Variants in TOGARAM1 observed in about 807,000 individuals in gnomAD.
TOGARAM1 encodes TOG array regulator of axonemal microtubules 1, also known as TOG array regulator of axonemal microtubules protein 1.
TOGARAM1 carries 100 observed loss-of-function variants against 166.6 expected under a neutral mutation model. The ratio of observed to expected loss-of-function variants is 0.60; its 90% CI spans 0.51 to 0.71. TOGARAM1 has a LOEUF of 0.71. Ranked by LOEUF, TOGARAM1 falls within the 30% of genes least tolerant of loss-of-function variation. TOGARAM1 has a pLI of 0.00. For synonymous variants in TOGARAM1, 758 were observed against 763.8 expected, an observed-to-expected ratio of 0.99 and a Z score of 0.13; for missense variants, 2,029 against 2,102.7, an observed-to-expected ratio of 0.96 and a Z score of 0.69.
At position 45,004,108 on chromosome 14, in the gene TOGARAM1, A is replaced by G; in HGVS notation, c.2386A>G (p.Ser796Gly). 1 of 1,614,080 alleles carries G rather than the reference A, an allele frequency of 6.2e-7. No individual in the cohort carries two copies. Among genetic ancestry groups the G allele is most frequent in the Non-Finnish European group, 8.5e-7 (1 of 1,180,002 alleles). ...CAGTAAGACACAGCAAACATTTGGT[A>G]GTCAAACAGAGTGTACTTCCTCAAA... ...FGSKTQQTFG[S>G]QTECTSSNGQ... The change falls in exon 4 of 20, where the codon AGT (serine) becomes GGT (glycine). Residue 796 changes from serine to glycine, a missense_variant. Ser to Gly is a moderately conservative substitution (Grantham distance 56, BLOSUM62 0). Coordinates refer to ENST00000361462, the MANE Select transcript of TOGARAM1 (RefSeq NM_001308120.2).
At position 45,025,831 on chromosome 14, in the gene TOGARAM1, C is replaced by G. The variant is rs774021805; in HGVS notation, c.3287C>G (p.Thr1096Arg). Residue 1096 changes from threonine (T) to arginine (R), a missense_variant, in exon 8 of 20, where the codon ACA becomes AGA. This residue lies in a region of TOGARAM1 where 1,453 missense variants were observed against 1,432.2 expected (regional missense o/e 1.01). Transcript: ENST00000361462. ...ATTTCCAGTTTTGACTTCACAACCA[C>G]AAAGGCTTTATCAGAAGACTCAGTA... ...QQISSFDFTT[T>R]KALSEDSVVV... 1 of 1,610,002 alleles carries G rather than the reference C, an allele frequency of 6.2e-7. No individual in the cohort carries two copies. Among genetic ancestry groups the G allele is most frequent in the South Asian group, 1.1e-5 (1 of 90,658 alleles).
chr14:44,984,476 T>C (rs1325521733), intron 1 of TOGARAM1, among the ~76,000 whole-genome samples: 1 of 151,928 alleles, frequency 6.6e-6, no homozygotes, highest in Non-Finnish European at 1.5e-5. Flanking sequence ...ATATTATATT[T>C]ATTGTTATCA....
chr14:45,011,753 C>A, intron 6 of TOGARAM1: 1 of 393,518 alleles, frequency 2.5e-6, no homozygotes, highest in East Asian at 3.8e-5. Context: ...GGTTGGTAGT[C>A]CAAAAGGTGA....
intron 17 of TOGARAM1, among the ~76,000 whole-genome samples, chr14:45,067,312 G>A (rs78637370): frequency 0.04 from 6,022 of 151,998 alleles, 208 homozygotes; most frequent in East Asian, 0.12. Flanking sequence ...AATATATGTT[G>A]AATTAATCAA....
chr14:45,034,437 A>G (rs576545685), intron 11 of TOGARAM1, among the ~76,000 whole-genome samples: 2 of 152,340 alleles, frequency 1.3e-5, no homozygotes, highest in South Asian at 2.1e-4. Flanking sequence ...TCCAGAGATC[A>G]TAAGAGGATT....
At chr14:45,016,544 C>G (rs1362626744) in intron 7 of TOGARAM1, among the ~76,000 whole-genome samples, 2 of 152,244 alleles carry the variant, frequency 1.3e-5, no homozygotes, top group East Asian at 3.9e-4. Flanking sequence ...CACACCCGGC[C>G]CACACCCAGT....
chr14:45,044,564 C>A, intron 12 of TOGARAM1, 71 bp from the exon 13 acceptor site: 1 of 1,108,552 alleles, frequency 9.0e-7, no homozygotes, highest in Non-Finnish European at 1.3e-6. Flanking sequence ...TTGTAAAATT[C>A]CTTTCCAAGT....
Position 45,032,393 on chromosome 14 carries a change from T to C in TOGARAM1, c.3812+17T>C. On this transcript the variant is annotated intron_variant, in intron 11 of 19. Transcript: ENST00000361462. ...TGAGGATTGGTAAGTTCACCATCCT[T>C]AACTTAAAACTAAGCAGAGTTCAAA... 1 of 1,605,182 alleles carries C rather than the reference T, an allele frequency of 6.2e-7. No individual in the cohort carries two copies. The highest frequency in any genetic ancestry group is 2.2e-5 in the East Asian group (1 of 44,780).
chr14:45,042,923 G>A (rs1227405867), intron 11 of TOGARAM1, among the ~76,000 whole-genome samples: 1 of 152,152 alleles, frequency 6.6e-6, no homozygotes, highest in African/African-American at 2.4e-5. Flanking sequence ...TCACTCAGGA[G>A]CTCTGATGGA....
At chr14:45,014,166 C>G (rs2138867544) in intron 7 of TOGARAM1, among the ~76,000 whole-genome samples, 1 of 152,022 alleles carries the variant, frequency 6.6e-6, no homozygotes, top group South Asian at 2.1e-4. Context: ...CTTCCTCAGC[C>G]TCCCAGGTAG....
rs187800620 is a variant in TOGARAM1, at chr14:44,988,776, A to G, written c.2047-6970A>G. ...AAAAAGGCACTGCAGCTTCCATGTC[A>G]GTTGCTCTCGCTCACTTGACTTGCT... is the stretch of plus-strand genomic sequence containing the variant. On this transcript the variant is annotated intron_variant, in intron 1 of 19. Coordinates refer to ENST00000361462, the MANE Select transcript of TOGARAM1 (RefSeq NM_001308120.2). 4.9e-3 allele frequency among the ~76,000 whole-genome samples: 742 copies of G among 152,358 alleles called. 2 individuals carry two copies. Among genetic ancestry groups the G allele is most frequent in the Non-Finnish European group, 8.6e-3 (584 of 68,032 alleles).
At chr14:45,054,617 T>G in intron 16 of TOGARAM1, 68 bp downstream of exon 16, 1 of 1,151,472 alleles carries the variant, frequency 8.7e-7, no homozygotes, top group Non-Finnish European at 1.2e-6. Context: ...TTTGGATGTT[T>G]TCATAAACTA....
intron 15 of TOGARAM1, 23 bp from the exon 16 acceptor site, chr14:45,054,408 A>T (rs765239653): frequency 6.9e-7 from 1 of 1,441,392 alleles, no homozygotes. Context: ...TTTGTATTAT[A>T]CTAATTTTAT....
intron 10 of TOGARAM1, among the ~76,000 whole-genome samples, chr14:45,030,994 G>A: frequency 6.6e-6 from 1 of 152,132 alleles, no homozygotes; most frequent in East Asian, 1.9e-4. Context: ...AAGGTCTGGT[G>A]TATAGTATTT....
In TOGARAM1 at chr14:44,963,307, A is replaced by G. The variant is rs767783497; in HGVS notation, c.886A>G (p.Ile296Val). ...TGGCCAAGACAGGTTTCAATCTTAC[A>G]TTTCTCGTCTGCCCTCTGCCCTGAG... ...RLGQDRFQSY[I>V]SRLPSALRRH... The change falls in exon 1 of 20, where the codon ATT becomes GTT. Residue 296 changes from isoleucine to valine, a missense_variant. Around this residue, in one of 2 missense-constraint regions of TOGARAM1, gnomAD observed 1,453 missense variants for 1,432.2 expected, o/e 1.01. Transcript: ENST00000361462. The G allele has an allele frequency of 1.2e-6, 2 of 1,614,054 alleles. No individual in the cohort carries two copies. The highest frequency in any genetic ancestry group is 1.7e-5 in the Admixed American group (1 of 60,012).
rs781458414 is a variant in TOGARAM1 at position 44,963,107 on chromosome 14, G to A, written c.686G>A (p.Arg229Gln). 1.2e-6 allele frequency: 2 copies of A among 1,614,168 alleles called. No individual in the cohort carries two copies. The highest frequency in any genetic ancestry group is 1.7e-6 in the Non-Finnish European group (2 of 1,180,034). The change falls in exon 1 of 20, where the codon CGA (arginine) becomes CAA (glutamine). Residue 229 changes from arginine to glutamine, a missense_variant. Arg to Gln is a conservative substitution (Grantham distance 43). This residue lies in a region of TOGARAM1 where 1,453 missense variants were observed against 1,432.2 expected (regional missense o/e 1.01). Coordinates refer to ENST00000361462, the MANE Select transcript of TOGARAM1 (RefSeq NM_001308120.2). ...IQQGLESTDA[R>Q]LRASTALLLP... ...CAAGGACTGGAAAGTACCGATGCCC[G>A]ACTTAGAGCTTCCACAGCACTACTG...
At chr14:44,994,247 T>C (rs967819088) in intron 1 of TOGARAM1, among the ~76,000 whole-genome samples, 29 of 152,036 alleles carry the variant, frequency 1.9e-4, no homozygotes, top group Non-Finnish European at 8.8e-5. Context: ...GCCTCCCGAG[T>C]AGCTAGGACT....
intron 11 of TOGARAM1, among the ~76,000 whole-genome samples, chr14:45,037,238 A>T (rs181073058): frequency 1.3e-4 from 20 of 152,368 alleles, no homozygotes; most frequent in African/African-American, 4.6e-4. Context: ...CTTCAAAGTC[A>T]GGAGGAGAAT....
At chr14:45,027,554 T>C (rs1880926081) in intron 9 of TOGARAM1, 80 bp downstream of exon 9, 1 of 1,099,728 alleles carries the variant, frequency 9.1e-7, no homozygotes. Flanking sequence ...TGTGGGGTGG[T>C]GAAAGTATTT....
Sources: allele counts gnomAD v4.1 joint callset (sites outside exome capture counted in the v4.1 genomes callset), GRCh38; gene constraint gnomAD v4.1.1; regional missense constraint gnomAD v4.1.1; transcripts MANE v1.5; gene names NCBI Gene and HGNC (gene_info 2026-07-23, HGNC 2026-07-21).